ROBO1: variants seen among roughly 807,000 people sequenced by gnomAD.
The protein encoded by ROBO1 is roundabout guidance receptor 1.
Under a neutral mutation model 195.9 loss-of-function variants are expected in ROBO1, and 149 were observed. The ratio of observed to expected loss-of-function variants is 0.76; its 90% CI spans 0.67 to 0.87. The LOEUF is 0.87. Ranked by LOEUF, ROBO1 falls within the 40% of genes least tolerant of loss-of-function variation. ROBO1 has a pLI of 0.00. For synonymous variants in ROBO1, 816 were observed against 733.2 expected, an observed-to-expected ratio of 1.11 and a Z score of -1.82; for missense variants, 1,933 against 2,068.3, an observed-to-expected ratio of 0.93 and a Z score of 1.27.
At chr3:79,329,373 G>A (rs927519116) in intron 2 of ROBO1, among the ~76,000 whole-genome samples, 7 of 152,052 alleles carry the variant, frequency 4.6e-5, no homozygotes, top group South Asian at 4.1e-4. Flanking sequence ...TCCTCTCATC[G>A]TGTGTGACTC....
At chr3:78,653,892 A>C (rs987103134) in intron 18 of ROBO1, among the ~76,000 whole-genome samples, 2 of 152,212 alleles carry the variant, frequency 1.3e-5, no homozygotes, top group African/African-American at 4.8e-5. Context: ...GCACAAAGTG[A>C]ACACCCACAA....
chr3:79,757,491 C>T (rs1177041094), intron 1 of ROBO1, among the ~76,000 whole-genome samples: 2 of 144,180 alleles, frequency 1.4e-5, no homozygotes, highest in South Asian at 4.3e-4. Flanking sequence ...CTTTCTTTCT[C>T]TCTCTCTCTC....
intron 1 of ROBO1, among the ~76,000 whole-genome samples, chr3:79,728,701 C>A (rs956357001): frequency 9.2e-5 from 14 of 152,002 alleles, no homozygotes; most frequent in African/African-American, 3.1e-4. Flanking sequence ...GGTTAATTTT[C>A]AATAGCATAA....
chr3:79,722,260 C>A (rs931131711), intron 1 of ROBO1, among the ~76,000 whole-genome samples: 1 of 152,160 alleles, frequency 6.6e-6, no homozygotes, highest in African/African-American at 2.4e-5. Context: ...GGGAAAACTG[C>A]ACTATCAATT....
At chr3:79,046,328 A>G (rs2078591439) in intron 3 of ROBO1, among the ~76,000 whole-genome samples, 1 of 152,064 alleles carries the variant, frequency 6.6e-6, no homozygotes, top group Admixed American at 6.6e-5. Flanking sequence ...CCCTCAGTCA[A>G]GTCTTAAGAT....
chr3:78,758,828 C>G (rs2108353277), intron 4 of ROBO1: 1 of 152,260 alleles, frequency 6.6e-6, no homozygotes, highest in Non-Finnish European at 1.5e-5. Context: ...ATATACAAAA[C>G]ACCTGCAATC....
chr3:79,557,730 T>TAAAAAAAAAAAA (rs368317896), intron 2 of ROBO1, among the ~76,000 whole-genome samples: 4 of 110,552 alleles, frequency 3.6e-5, no homozygotes, highest in African/African-American at 1.7e-4. Flanking sequence ...GAGACTGTCT[T>TAAAAAAAAAAAA]AAAACAAAAA....
intron 3 of ROBO1, among the ~76,000 whole-genome samples, chr3:79,098,181 C>G (rs1327230294): frequency 1.3e-5 from 2 of 151,848 alleles, no homozygotes; most frequent in South Asian, 4.1e-4. Flanking sequence ...TGTCTGCTCA[C>G]TTTCCAATTG....
At chr3:78,678,188 A>G (rs1160371815) in intron 10 of ROBO1, among the ~76,000 whole-genome samples, 23 of 151,954 alleles carry the variant, frequency 1.5e-4, no homozygotes, top group Middle Eastern at 6.8e-3. Context: ...TGTAGAGGGA[A>G]ATTTATAGCA....
chr3:78,997,737 G>T (rs1229137575), intron 3 of ROBO1, among the ~76,000 whole-genome samples: 1 of 152,130 alleles, frequency 6.6e-6, no homozygotes, highest in Non-Finnish European at 1.5e-5. Flanking sequence ...TTGGAGTTGG[G>T]GAGGGGAGGA....
intron 2 of ROBO1, among the ~76,000 whole-genome samples, chr3:79,158,540 C>T (rs945356943): frequency 2.0e-5 from 3 of 151,234 alleles, no homozygotes; most frequent in Non-Finnish European, 4.4e-5. Flanking sequence ...TAGCCATTCT[C>T]TTGTATTTTG....
chr3:78,982,698 G>A (rs539675179), intron 3 of ROBO1, among the ~76,000 whole-genome samples: 6 of 151,674 alleles, frequency 4.0e-5, no homozygotes, highest in South Asian at 4.2e-4. Context: ...GCGTGATCTC[G>A]GCTCACTGAA....
At chr3:78,741,704 A>G (rs1190507170) in intron 5 of ROBO1, among the ~76,000 whole-genome samples, 1 of 152,166 alleles carries the variant, frequency 6.6e-6, no homozygotes, top group Non-Finnish European at 1.5e-5. Flanking sequence ...TCATCTGTAT[A>G]AGAAAATTTC....
At chr3:79,027,288 A>T (rs1327678286) in intron 3 of ROBO1, among the ~76,000 whole-genome samples, 2 of 152,144 alleles carry the variant, frequency 1.3e-5, no homozygotes, top group Non-Finnish European at 2.9e-5. Flanking sequence ...TAAATATTCA[A>T]TGTTACACTA....
intron 1 of ROBO1, among the ~76,000 whole-genome samples, chr3:79,734,891 T>C (rs1184400113): frequency 6.6e-6 from 1 of 152,230 alleles, no homozygotes; most frequent in Non-Finnish European, 1.5e-5. Context: ...TTTTTGGAGA[T>C]TGTTTTAATT....
intron 2 of ROBO1, chr3:79,512,924 AAG>A (rs1242985203): frequency 6.6e-6 from 1 of 152,186 alleles, no homozygotes; most frequent in Non-Finnish European, 1.5e-5. Context: ...GAAACAGAAA[AAG>A]TCATGATTTA....
At chr3:79,376,250 A>T (rs2036378932) in intron 2 of ROBO1, among the ~76,000 whole-genome samples, 1 of 152,176 alleles carries the variant, frequency 6.6e-6, no homozygotes, top group South Asian at 2.1e-4. Flanking sequence ...ACTCACATCT[A>T]GTTACTAACG....
intron 2 of ROBO1, among the ~76,000 whole-genome samples, chr3:79,531,486 G>C (rs180745291): frequency 8.5e-5 from 13 of 152,150 alleles, no homozygotes; most frequent in African/African-American, 1.2e-4. Flanking sequence ...AACCAGGCTT[G>C]GTGGTGTGCA....
chr3:78,614,816 A>C lies in ROBO1; in HGVS notation c.4283-16T>G. ...TGTCGACGGCCTAAGGAGAAAAAAA[A>C]AAAAAATCCAAGCCAAACTCATCAG... On this transcript the variant is annotated splice_polypyrimidine_tract_variant and intron_variant, in intron 27 of 30. Transcript: ENST00000464233. 6.4e-7 allele frequency: 1 copy of C among 1,569,602 alleles called. No individual in the cohort carries two copies. Among genetic ancestry groups the C allele is most frequent in the Non-Finnish European group, 8.6e-7 (1 of 1,161,202 alleles).
Sources: allele counts gnomAD v4.1 joint callset (sites outside exome capture counted in the v4.1 genomes callset), GRCh38; gene constraint gnomAD v4.1.1; transcripts MANE v1.5; gene names NCBI Gene and HGNC (gene_info 2026-07-23, HGNC 2026-07-21).